CNTN4: variants seen among roughly 807,000 people sequenced by gnomAD.
CNTN4 encodes contactin-4.
Under a neutral mutation model 122.5 loss-of-function variants are expected in CNTN4, and 77 were observed. The observed-to-expected ratio is 0.63, with a 90% CI of 0.52 to 0.76. The LOEUF (loss-of-function observed/expected upper bound fraction) is 0.76, where lower values mean the gene tolerates loss of function less well. Among genes scored for constraint, CNTN4 ranks in the 30% least tolerant of loss-of-function variants. The pLI is 0.00. For missense variants in CNTN4, 1,256 were observed against 1,259.1 expected (o/e 1.00, Z 0.04); for synonymous variants, 512 against 447.0 (o/e 1.15, Z -1.83).
intron 2 of CNTN4, among the ~76,000 whole-genome samples, chr3:2,198,479 G>T (rs1367312986): frequency 6.6e-6 from 1 of 151,968 alleles, no homozygotes. Context: ...CTTTACTTAT[G>T]GTTGTGAAAT....
At chr3:2,263,314 A>G (rs1415604588) in intron 2 of CNTN4, among the ~76,000 whole-genome samples, 1 of 152,156 alleles carries the variant, frequency 6.6e-6, no homozygotes, top group African/African-American at 2.4e-5. Flanking sequence ...ATGAATAAAT[A>G]TTCATTGAAA....
At chr3:2,361,280 G>C (rs1475411219) in intron 3 of CNTN4, among the ~76,000 whole-genome samples, 1 of 152,196 alleles carries the variant, frequency 6.6e-6, no homozygotes, top group African/African-American at 2.4e-5. Flanking sequence ...TATTAATACA[G>C]TTGTTCTAAC....
rs763471406 is a variant in CNTN4 at position 3,037,281 on chromosome 3, T to C, written c.2045T>C (p.Ile682Thr). 42 of 1,614,074 alleles carry C rather than the reference T, an allele frequency of 2.6e-5. No homozygotes were observed. The highest frequency in any genetic ancestry group is 6.7e-5 in the Admixed American group (4 of 59,998). The change falls in exon 18 of 25, where the codon ATT (isoleucine) becomes ACT (threonine). Residue 682 changes from isoleucine to threonine, a missense_variant. Coordinates refer to ENST00000418658, the MANE Select transcript of CNTN4 (RefSeq NM_175607.3). Reference sequence around the variant, plus strand: ...ACAGTTGCAGCCAACGTGATTGGGATTGGGGAGCCCAGCCGCCCCTCAGAG... The same window carrying C: ...ACAGTTGCAGCCAACGTGATTGGGACTGGGGAGCCCAGCCGCCCCTCAGAG... ...FRTVAANVIG[I>T]GEPSRPSEKR...
chr3:2,361,427 A>G (rs949659126), intron 3 of CNTN4, among the ~76,000 whole-genome samples: 1 of 152,178 alleles, frequency 6.6e-6, no homozygotes, highest in Non-Finnish European at 1.5e-5. Flanking sequence ...CCTGCTAAGC[A>G]TCCCACAATG....
intron 4 of CNTN4, among the ~76,000 whole-genome samples, chr3:2,666,583 G>GTTTTTTTT (rs1553605775): frequency 8.3e-6 from 1 of 120,718 alleles, no homozygotes; most frequent in South Asian, 3.1e-4. Flanking sequence ...GGAATAAAAT[G>GTTTTTTTT]TTCTTTTTTT....
At chr3:2,932,985 G>A (rs1424850574) in intron 13 of CNTN4, among the ~76,000 whole-genome samples, 2 of 151,936 alleles carry the variant, frequency 1.3e-5, no homozygotes, top group African/African-American at 4.8e-5. Flanking sequence ...ACTATGCCCG[G>A]CTAATTTTTT....
intron 13 of CNTN4, among the ~76,000 whole-genome samples, chr3:2,940,254 G>C (rs1340386624): frequency 2.0e-5 from 3 of 152,218 alleles, no homozygotes; most frequent in Non-Finnish European, 4.4e-5. Flanking sequence ...CCACGAAATA[G>C]GGCTGCTGTG....
Position 2,505,521 on chromosome 3 carries a change from G to T in CNTN4, c.-88-65895G>T, listed in dbSNP as rs531231887. Among the ~76,000 whole-genome samples, 4 of 152,024 alleles carry T rather than the reference G, an allele frequency of 2.6e-5. No individual in the cohort carries two copies. In the South Asian group the frequency reaches 8.3e-4, roughly 31 times the overall value. ...CAACAGTTTCAAAGTTTATACATTT[G>T]CTTTATTTTTATACCAGCCTGTTGT... On this transcript the variant is annotated intron_variant, in intron 3 of 24. Transcript: ENST00000418658.
Position 2,412,919 on chromosome 3 carries a change from C to T in CNTN4, c.-89+73686C>T, listed in dbSNP as rs185865764. On this transcript the variant is annotated intron_variant, in intron 3 of 24. Transcript: ENST00000418658. Reference sequence around the variant, plus strand: ...AATAAAAAAGGATATTAGAACCTTCCTCATAGAATTGTTTTGGTGATTAAG... The same window carrying T: ...AATAAAAAAGGATATTAGAACCTTCTTCATAGAATTGTTTTGGTGATTAAG... 3.0e-3 allele frequency among the ~76,000 whole-genome samples: 461 copies of T among 152,230 alleles called. 8 individuals are homozygous for T. Among genetic ancestry groups the T allele is most frequent in the East Asian group, 9.6e-4 (5 of 5,182 alleles).
chr3:2,460,036 C>T (rs1228722705), intron 3 of CNTN4, among the ~76,000 whole-genome samples: 2 of 152,032 alleles, frequency 1.3e-5, no homozygotes, highest in African/African-American at 4.8e-5. Context: ...TGAGTTGCAT[C>T]TTATCTGGCC....
chr3:3,046,390 T>TA (rs1363718233), intron 23 of CNTN4, among the ~76,000 whole-genome samples: 1 of 152,194 alleles, frequency 6.6e-6, no homozygotes, highest in African/African-American at 2.4e-5. Context: ...AAGGTCAGGT[T>TA]ACCCACAAAG....
chr3:2,344,636 G>A (rs751744443), intron 3 of CNTN4, among the ~76,000 whole-genome samples: 2 of 151,970 alleles, frequency 1.3e-5, no homozygotes, highest in African/African-American at 4.8e-5. Context: ...TGAATGATGG[G>A]GTCAGACAGG....
At chr3:2,434,835 A>G (rs1346753818) in intron 3 of CNTN4, among the ~76,000 whole-genome samples, 1 of 152,122 alleles carries the variant, frequency 6.6e-6, no homozygotes, top group Non-Finnish European at 1.5e-5. Flanking sequence ...GCCTCTTCCT[A>G]TATGCTGTTA....
At chr3:2,116,747 T>G (rs1199108878) in intron 2 of CNTN4, among the ~76,000 whole-genome samples, 1 of 152,176 alleles carries the variant, frequency 6.6e-6, no homozygotes, top group Non-Finnish European at 1.5e-5. Context: ...ACAATCTTGC[T>G]TCTCTATCCC....
Position 2,481,077 on chromosome 3 carries a change from C to G in CNTN4, c.-88-90339C>G, listed in dbSNP as rs535871590. On this transcript the variant is annotated intron_variant, in intron 3 of 24. Transcript: ENST00000418658. ...TCTTTCTTTCTCTCTTTCTCTCTTT[C>G]TCTCTTTCTCTCTTTCTTTCTTTCT... Among the ~76,000 whole-genome samples the G allele has an allele frequency of 4.2e-5, 6 of 143,192 alleles. No homozygotes were observed. In the East Asian group the frequency reaches 1.0e-3, roughly 24 times the overall value. 93.9% of individuals were successfully genotyped at this position (143,192 alleles called of 152,430 possible).
chr3:3,056,439 C>T lies in CNTN4; in HGVS notation c.*219C>T, dbSNP rs1701806129. On this transcript the variant is annotated 3_prime_UTR_variant, in exon 25 of 25. Coordinates refer to ENST00000418658, the MANE Select transcript of CNTN4 (RefSeq NM_175607.3). ...TGGAAACTCTGCAATGCACTGAAGACATCTGTAATATGATGTTACCAAAGC... is the reference window on the plus strand; with the variant it reads ...TGGAAACTCTGCAATGCACTGAAGATATCTGTAATATGATGTTACCAAAGC... 9.9e-6 allele frequency: 5 copies of T among 505,598 alleles called. No individual in the cohort carries two copies. The highest frequency in any genetic ancestry group is 1.9e-5 in the African/African-American group (1 of 51,884). The allele number at this position is 505,598 out of a possible 1,614,324, so 31.3% of individuals were successfully genotyped here.
chr3:2,530,748 T>G (rs890878045), intron 3 of CNTN4, among the ~76,000 whole-genome samples: 7 of 152,172 alleles, frequency 4.6e-5, no homozygotes, highest in Admixed American at 4.6e-4. Flanking sequence ...TGTAGCCAGA[T>G]TTTTTTACCT....
chr3:2,604,543 G>A (rs2081180644), intron 4 of CNTN4, among the ~76,000 whole-genome samples: 1 of 152,080 alleles, frequency 6.6e-6, no homozygotes, highest in African/African-American at 2.4e-5. Context: ...ATAAAGTAGG[G>A]CAGATTTGTT....
At chr3:2,855,854 A>G (rs536536075) in intron 7 of CNTN4, among the ~76,000 whole-genome samples, 2 of 152,098 alleles carry the variant, frequency 1.3e-5, no homozygotes, top group South Asian at 2.1e-4. Context: ...CACCAGAGTC[A>G]GAAATAAATG....
Sources: gnomAD v4.1 joint callset for allele counts (sites outside exome capture counted in the v4.1 genomes callset) on GRCh38, gnomAD v4.1.1 for gene constraint, MANE v1.5 for transcripts, NCBI Gene and HGNC (gene_info 2026-07-23, HGNC 2026-07-21) for gene names.